Variants in CFAP206 observed in about 807,000 individuals in gnomAD.
The protein encoded by CFAP206 is cilia and flagella associated protein 206, also known as cilia- and flagella-associated protein 206.
In CFAP206, 53 loss-of-function variants were observed where a neutral mutation model predicts 65.4. The ratio of observed to expected loss-of-function variants is 0.81; its 90% CI spans 0.65 to 1.02. The LOEUF is 1.02. Ranked by LOEUF, CFAP206 falls within the 50% of genes least tolerant of loss-of-function variation. CFAP206 has a pLI of 0.00. For synonymous variants in CFAP206, 250 were observed against 254.4 expected, an observed-to-expected ratio of 0.98 and a Z score of 0.17; for missense variants, 663 against 753.2, an observed-to-expected ratio of 0.88 and a Z score of 1.40.
rs1768419787 is a variant in CFAP206 at position 87,445,003 on chromosome 6, A to G, written c.1494+9950A>G. On this transcript the variant is annotated intron_variant, in intron 11 of 12. Coordinates refer to ENST00000369562, the MANE Select transcript of CFAP206 (RefSeq NM_001031743.3). Reference sequence around the variant, plus strand: ...TTGGCTTCTGTAATTCGTTGAAGACACTGGCTCTCTTTGGCATGTAGAATG... The same window carrying G: ...TTGGCTTCTGTAATTCGTTGAAGACGCTGGCTCTCTTTGGCATGTAGAATG... 3 of 521,270 alleles carry G rather than the reference A, an allele frequency of 5.8e-6. No individual in the cohort carries two copies. In the Admixed American group the frequency reaches 5.9e-5, roughly 10 times the overall value. 32.3% of individuals were successfully genotyped at this position (521,270 alleles called of 1,614,324 possible).
At chr6:87,422,561 C>T (rs1209445892) in intron 7 of CFAP206, among the ~76,000 whole-genome samples, 1 of 151,164 alleles carries the variant, frequency 6.6e-6, no homozygotes, top group Non-Finnish European at 1.5e-5. Flanking sequence ...ACCAGCCTGA[C>T]CAAGATGGTG....
intron 11 of CFAP206, chr6:87,436,793 A>G (rs1768275631): frequency 6.6e-6 from 1 of 152,160 alleles, no homozygotes; most frequent in Non-Finnish European, 1.5e-5. Flanking sequence ...GCCTTTCTGT[A>G]TGTGAGCCAA....
intron 11 of CFAP206, among the ~76,000 whole-genome samples, chr6:87,460,350 A>G (rs942104731): frequency 9.9e-5 from 15 of 152,222 alleles, no homozygotes; most frequent in East Asian, 1.9e-4. Flanking sequence ...TGAGTTCAAC[A>G]TATGTCTTAA....
chr6:87,438,789 TAATA>T (rs1768318414), intron 11 of CFAP206, among the ~76,000 whole-genome samples: 1 of 152,200 alleles, frequency 6.6e-6, no homozygotes, highest in African/African-American at 2.4e-5. Context: ...TATTTGGAGA[TAATA>T]AAGGATTCTA....
At chr6:87,459,548 T>C (rs946841695) in intron 11 of CFAP206, among the ~76,000 whole-genome samples, 3 of 152,176 alleles carry the variant, frequency 2.0e-5, no homozygotes, top group Non-Finnish European at 4.4e-5. Context: ...AGGTAGATGT[T>C]ATAACCAGTT....
At chr6:87,436,377 C>T (rs1047633908) in intron 11 of CFAP206, among the ~76,000 whole-genome samples, 4 of 152,236 alleles carry the variant, frequency 2.6e-5, no homozygotes, top group Admixed American at 6.5e-5. Context: ...TGAGCCACCA[C>T]GCCCGGACTT....
At chr6:87,421,409 C>T (rs1305986300) in intron 7 of CFAP206, among the ~76,000 whole-genome samples, 3 of 152,086 alleles carry the variant, frequency 2.0e-5, no homozygotes, top group Admixed American at 1.3e-4. Flanking sequence ...TCGCTTGAAC[C>T]CAGGAGACAG....
intron 1 of CFAP206, 108 bp downstream of exon 1, chr6:87,408,197 T>C: frequency 3.0e-6 from 1 of 335,532 alleles, no homozygotes; most frequent in East Asian, 1.7e-4. Flanking sequence ...GCGTCCTGCC[T>C]CGTCGAGACT....
intron 11 of CFAP206, among the ~76,000 whole-genome samples, chr6:87,453,941 G>C (rs764524968): frequency 6.6e-6 from 1 of 152,056 alleles, no homozygotes; most frequent in Non-Finnish European, 1.5e-5. Context: ...AAAAGACAGA[G>C]TAGCTGAATG....
intron 3 of CFAP206, among the ~76,000 whole-genome samples, chr6:87,412,046 T>C (rs1767743435): frequency 6.6e-6 from 1 of 152,172 alleles, no homozygotes; most frequent in African/African-American, 2.4e-5. Context: ...AATAAGTTGT[T>C]CTCCTTGTCA....
chr6:87,460,665 A>G (rs1268797476), intron 11 of CFAP206, among the ~76,000 whole-genome samples: 3 of 152,018 alleles, frequency 2.0e-5, no homozygotes, highest in Non-Finnish European at 2.9e-5. Context: ...CTGAAAAATG[A>G]ACTAGTGGGT....
intron 11 of CFAP206, among the ~76,000 whole-genome samples, chr6:87,451,491 G>A (rs1768542054): frequency 6.6e-6 from 1 of 152,070 alleles, no homozygotes; most frequent in African/African-American, 2.4e-5. Flanking sequence ...TGACCAAAGA[G>A]CCCTTGGGTC....
chr6:87,421,512 A>G (rs1028542843), intron 7 of CFAP206, among the ~76,000 whole-genome samples: 1 of 152,136 alleles, frequency 6.6e-6, no homozygotes, highest in African/African-American at 2.4e-5. Flanking sequence ...TCCAATATAT[A>G]GCCTGGGTAA....
chr6:87,412,894 G>A (rs1022682585), intron 3 of CFAP206, among the ~76,000 whole-genome samples: 6 of 152,032 alleles, frequency 3.9e-5, no homozygotes, highest in African/African-American at 9.7e-5. Flanking sequence ...TCCTGACATC[G>A]GGTGATCTGC....
intron 11 of CFAP206, chr6:87,435,734 A>G (rs2127953055): frequency 6.6e-6 from 1 of 152,296 alleles, no homozygotes; most frequent in South Asian, 2.1e-4. Flanking sequence ...ATCATAGCTT[A>G]CTGTACCTTC....
chr6:87,431,312 CCAGA>C (rs1768151411), intron 10 of CFAP206, 139 bp downstream of exon 10: 1 of 833,426 alleles, frequency 1.2e-6, no homozygotes, highest in Non-Finnish European at 1.8e-6. Context: ...CAAAGATGAT[CCAGA>C]CAAAGTCTTC....
At chr6:87,416,621 TTATTC>T (rs1767833687) in intron 5 of CFAP206, 43 bp from the exon 6 acceptor site, 1 of 1,521,528 alleles carries the variant, frequency 6.6e-7, no homozygotes, top group Admixed American at 2.2e-5. Context: ...TCTGATATCT[TTATTC>T]TATCATTTTG....
At chr6:87,428,074 G>A (rs565439775) in intron 8 of CFAP206, among the ~76,000 whole-genome samples, 3 of 136,782 alleles carry the variant, frequency 2.2e-5, no homozygotes, top group Non-Finnish European at 4.6e-5. Flanking sequence ...TGCAACCTCC[G>A]CCTCCCGGGT....
At chr6:87,445,530 A>G (rs1022455450) in intron 11 of CFAP206, among the ~76,000 whole-genome samples, 3 of 152,256 alleles carry the variant, frequency 2.0e-5, no homozygotes, top group African/African-American at 7.2e-5. Context: ...CGCAAAGGAC[A>G]TGATCTCATT....
Sources: gnomAD v4.1 joint callset for allele counts (sites outside exome capture counted in the v4.1 genomes callset) on GRCh38, gnomAD v4.1.1 for gene constraint, MANE v1.5 for transcripts, NCBI Gene and HGNC (gene_info 2026-07-23, HGNC 2026-07-21) for gene names.